LAMA1: variants seen among roughly 807,000 people sequenced by gnomAD.
LAMA1 encodes laminin subunit alpha-1.
LAMA1 carries 219 observed loss-of-function variants against 348.7 expected under a neutral mutation model. That is an observed-to-expected ratio of 0.63 (90% CI 0.56 to 0.70). The LOEUF (loss-of-function observed/expected upper bound fraction) is 0.70. Ranked by LOEUF, LAMA1 falls within the 30% of genes least tolerant of loss-of-function variation. The pLI, the probability that LAMA1 is intolerant of heterozygous loss-of-function variation, is 0.00. For missense variants in LAMA1, 3,744 were observed against 3,888.0 expected, an observed-to-expected ratio of 0.96 and a Z score of 0.99; for synonymous variants, 1,487 against 1,491.0, an observed-to-expected ratio of 1.00 and a Z score of 0.06.
intron 1 of LAMA1, among the ~76,000 whole-genome samples, chr18:7,082,132 C>T (rs2058195598): frequency 6.6e-6 from 1 of 152,078 alleles, no homozygotes; most frequent in African/African-American, 2.4e-5. Context: ...AAACTTTTTA[C>T]ATAAAACAGA....
Position 6,983,158 on chromosome 18 carries a change from T to A in LAMA1, c.5737A>T (p.Ile1913Phe). The A allele has an allele frequency of 6.2e-7, 1 of 1,614,138 alleles. No individual in the cohort carries two copies. The highest frequency in any genetic ancestry group is 8.5e-7 in the Non-Finnish European group (1 of 1,180,016). The change falls in exon 40 of 63, where the codon ATT becomes TTT. Residue 1913 changes from isoleucine (I) to phenylalanine (F), a missense_variant. Ile to Phe is a conservative substitution (Grantham distance 21). This residue lies in a region of LAMA1 where 1,983 missense variants were observed against 1,934.3 expected (regional missense o/e 1.03). Transcript: ENST00000389658. Reference sequence around the variant, plus strand: ...CTGGCCAGTTCCTCCGATTCTTCAATCAGGCTCTGGATGTTGTAATGGACA... The same window carrying A: ...CTGGCCAGTTCCTCCGATTCTTCAAACAGGCTCTGGATGTTGTAATGGACA... The part of the protein sequence containing the change: ...AYVHYNIQSL[I>F]EESEELARDA...
intron 1 of LAMA1, among the ~76,000 whole-genome samples, chr18:7,105,359 A>C (rs1598322439): frequency 6.6e-6 from 1 of 151,986 alleles, no homozygotes; most frequent in African/African-American, 2.4e-5. Flanking sequence ...GAATTGCTTG[A>C]ACCCGGGAGG....
chr18:7,000,891 G>T (rs2057804806), intron 30 of LAMA1, among the ~76,000 whole-genome samples: 1 of 152,176 alleles, frequency 6.6e-6, no homozygotes, highest in Non-Finnish European at 1.5e-5. Context: ...AATAAAGCGT[G>T]TGTTTTAGGG....
chr18:6,962,071 G>C lies in LAMA1; in HGVS notation c.7338-12C>G. ...TGGTGACACCTCTCCTGTAGGGAAG[G>C]GCATGAGAACAATCACAAAATTTGG... On this transcript the variant is annotated splice_polypyrimidine_tract_variant and intron_variant, in intron 51 of 62. Transcript: ENST00000389658. 1 of 1,588,014 alleles carries C rather than the reference G, an allele frequency of 6.3e-7. No individual in the cohort carries two copies. The highest frequency in any genetic ancestry group is 8.6e-7 in the Non-Finnish European group (1 of 1,156,238).
chr18:6,995,209 T>G, intron 34 of LAMA1, 148 bp downstream of exon 34: 1 of 697,584 alleles, frequency 1.4e-6, no homozygotes, highest in South Asian at 1.6e-5. Context: ...AAAACCAATT[T>G]GATGATTAAG....
intron 48 of LAMA1, among the ~76,000 whole-genome samples, chr18:6,966,511 T>C (rs188283075): frequency 5.9e-5 from 9 of 152,356 alleles, no homozygotes; most frequent in African/African-American, 2.2e-4. Context: ...AATGTTAATG[T>C]AGGCAGTATT....
intron 27 of LAMA1, among the ~76,000 whole-genome samples, 162 bp downstream of exon 27, chr18:7,009,077 C>T (rs941810339): frequency 2.0e-5 from 3 of 151,946 alleles, no homozygotes; most frequent in Non-Finnish European, 2.9e-5. Flanking sequence ...AGTTATAATT[C>T]GCACATTCCA....
rs73390539 is a variant in LAMA1 at position 6,959,747 on chromosome 18, G to T, written c.7627-255C>A. On this transcript the variant is annotated intron_variant, in intron 53 of 62. Transcript: ENST00000389658. Reference sequence around the variant, plus strand: ...CCATTCTGCATTGCCTCATATTTATGGTTTATTGCTACATTAGATACCAAT... The same window carrying T: ...CCATTCTGCATTGCCTCATATTTATTGTTTATTGCTACATTAGATACCAAT... The T allele has an allele frequency of 3.1e-3, 1,396 of 451,526 alleles. 17 individuals carry two copies. The highest frequency in any genetic ancestry group is 0.025 in the African/African-American group (1,246 of 50,214). 28.0% of individuals were successfully genotyped at this position (451,526 alleles called of 1,614,324 possible).
chr18:7,059,038 T>C (rs60560497), intron 3 of LAMA1, among the ~76,000 whole-genome samples: 3,924 of 152,140 alleles, frequency 0.026, 153 homozygotes, highest in East Asian at 0.2. Context: ...TACAGGCACC[T>C]GCCACCATGC....
intron 1 of LAMA1, among the ~76,000 whole-genome samples, chr18:7,107,949 G>A (rs1232512512): frequency 6.6e-6 from 1 of 151,896 alleles, no homozygotes; most frequent in Non-Finnish European, 1.5e-5. Flanking sequence ...GGGAGGCAGA[G>A]CTTGCAGTGA....
intron 1 of LAMA1, among the ~76,000 whole-genome samples, chr18:7,086,311 G>T (rs2377024): frequency 0.82 from 124,124 of 152,222 alleles, 50,858 homozygotes; most frequent in South Asian, 0.85. Context: ...AGAGAAATGA[G>T]CAGGCATCAT....
At chr18:7,093,928 A>G (rs1295637459) in intron 1 of LAMA1, among the ~76,000 whole-genome samples, 1 of 151,792 alleles carries the variant, frequency 6.6e-6, no homozygotes, top group Non-Finnish European at 1.5e-5. Flanking sequence ...GGTGTGTGCC[A>G]CCATGCCCGG....
In LAMA1 at chr18:7,010,240, T is replaced by A. The variant is rs1279654144; in HGVS notation, c.3833A>T (p.Glu1278Val). 6.2e-7 allele frequency: 1 copy of A among 1,614,200 alleles called. No homozygotes were observed. The highest frequency in any genetic ancestry group is 1.1e-5 in the South Asian group (1 of 91,076). Residue 1278 changes from glutamate (E) to valine (V), a missense_variant, in exon 26 of 63, where the codon GAG (glutamate) becomes GTG (valine). By Grantham distance (121) the Glu-to-Val change is moderately radical (BLOSUM62 -2). Transcript: ENST00000389658. Reference protein sequence around the residue: ...QVIYMDAPAPENGVRQEQEVA... With the variant: ...QVIYMDAPAPVNGVRQEQEVA... ...TTCTTGTTCCTGTCTCACTCCATTCTCTGGGGCTGGTGCATCCATGTAAAT... is the reference window on the plus strand; with the variant it reads ...TTCTTGTTCCTGTCTCACTCCATTCACTGGGGCTGGTGCATCCATGTAAAT...
At chr18:7,016,165 T>C (rs539038785) in intron 21 of LAMA1, among the ~76,000 whole-genome samples, 8 of 152,198 alleles carry the variant, frequency 5.3e-5, no homozygotes, top group African/African-American at 1.2e-4. Context: ...CCCAATGCCA[T>C]GCTGAGGACT....
chr18:7,001,004 C>G (rs184944085), intron 30 of LAMA1, among the ~76,000 whole-genome samples: 86 of 152,132 alleles, frequency 5.7e-4, no homozygotes, highest in African/African-American at 2.0e-3. Context: ...TGTTTATAAC[C>G]TTTTTATGAT....
chr18:7,004,900 A>G (rs1489027647), intron 29 of LAMA1, among the ~76,000 whole-genome samples: 2 of 152,204 alleles, frequency 1.3e-5, no homozygotes, highest in African/African-American at 4.8e-5. Context: ...ATTGATGGGA[A>G]GAGTTCAAGG....
At position 6,959,222 on chromosome 18, in the gene LAMA1, G is replaced by A. The variant is rs114839221; in HGVS notation, c.7778+119C>T. 1.8e-3 allele frequency: 2,344 copies of A among 1,278,710 alleles called. 25 individuals carry two copies. In the African/African-American group the frequency reaches 0.026, roughly 14 times the overall value. 79.2% of individuals were successfully genotyped at this position (1,278,710 alleles called of 1,614,324 possible). A position where few individuals can be genotyped will look rare whatever the true frequency, so the allele number is the denominator to read the frequency against. On this transcript the variant is annotated intron_variant, in intron 54 of 62. Transcript: ENST00000389658. ...AGAATCCTAGCAAGGTTCTAGAATC[G>A]TCTGGATGCCGATGACCCCAGTCAT...
chr18:6,948,636 AG>A, intron 59 of LAMA1, 80 bp from the exon 60 acceptor site: 2 of 1,224,870 alleles, frequency 1.6e-6, no homozygotes, highest in Non-Finnish European at 2.4e-6. Context: ...CCACTTCATC[AG>A]ACTGGTCTCA....
chr18:6,978,583 T>TA (rs2057694175), intron 42 of LAMA1, among the ~76,000 whole-genome samples: 1 of 152,208 alleles, frequency 6.6e-6, no homozygotes, highest in African/African-American at 2.4e-5. Flanking sequence ...ATGGCAATAT[T>TA]AAAGCTGCAT....
Sources: allele counts gnomAD v4.1 joint callset (sites outside exome capture counted in the v4.1 genomes callset), GRCh38; gene constraint gnomAD v4.1.1; regional missense constraint gnomAD v4.1.1; transcripts MANE v1.5; gene names NCBI Gene and HGNC (gene_info 2026-07-23, HGNC 2026-07-21).